The following HIRA variants were observed in gnomAD, a reference collection of about 807,000 sequenced individuals.
The protein encoded by HIRA is protein HIRA.
Under a neutral mutation model 126.6 loss-of-function variants are expected in HIRA, and 13 were observed. The ratio of observed to expected loss-of-function variants is 0.10; its 90% CI spans 0.07 to 0.16. The LOEUF is 0.16. Among genes scored for constraint, HIRA ranks in the 10% least tolerant of loss-of-function variants. The pLI, the probability that HIRA is intolerant of heterozygous loss-of-function variation, is 1.00. For missense variants in HIRA, 834 were observed against 1,314.4 expected (o/e 0.63, Z 5.65); for synonymous variants, 511 against 520.0 (o/e 0.98, Z 0.24).
At chr22:19,336,248 G>C (rs1182461129) in intron 24 of HIRA, among the ~76,000 whole-genome samples, 1 of 152,204 alleles carries the variant, frequency 6.6e-6, no homozygotes, top group African/African-American at 2.4e-5. Context: ...TGAACCCTAG[G>C]TGATCTCATC....
chr22:19,416,772 T>C (rs909669414), intron 1 of HIRA, among the ~76,000 whole-genome samples: 2 of 152,104 alleles, frequency 1.3e-5, no homozygotes, highest in East Asian at 1.9e-4. Flanking sequence ...AGGCAACCCA[T>C]AGAATGGGAG....
At chr22:19,396,233 G>A (rs1033017529) in intron 7 of HIRA, among the ~76,000 whole-genome samples, 1 of 152,156 alleles carries the variant, frequency 6.6e-6, no homozygotes, top group Non-Finnish European at 1.5e-5. Flanking sequence ...CTATAAATCC[G>A]GGCCAGGCGC....
chr22:19,333,058 G>A (rs891571053), intron 24 of HIRA, among the ~76,000 whole-genome samples: 5 of 152,114 alleles, frequency 3.3e-5, no homozygotes. Flanking sequence ...ATAGGTGTGT[G>A]CCACCATGTC....
At chr22:19,356,658 A>G (rs1338634545) in intron 19 of HIRA, among the ~76,000 whole-genome samples, 1 of 152,320 alleles carries the variant, frequency 6.6e-6, no homozygotes, top group East Asian at 1.9e-4. Context: ...CTGCTCCAGT[A>G]AGGAAATAAT....
chr22:19,353,906 C>A, intron 22 of HIRA, 90 bp downstream of exon 22: 1 of 1,479,470 alleles, frequency 6.8e-7, no homozygotes, highest in Non-Finnish European at 9.1e-7. Context: ...AGGTGGAGAC[C>A]AGGCCTGGGC....
intron 5 of HIRA, among the ~76,000 whole-genome samples, chr22:19,404,801 TCTGA>T (rs2089295496): frequency 6.6e-6 from 1 of 152,180 alleles, no homozygotes; most frequent in African/African-American, 2.4e-5. Flanking sequence ...AGGTGATACC[TCTGA>T]CTATCTAGGC....
intron 15 of HIRA, among the ~76,000 whole-genome samples, chr22:19,366,912 C>CCGTG (rs1175510779): frequency 4.6e-5 from 7 of 152,102 alleles, no homozygotes; most frequent in African/African-American, 1.7e-4. Flanking sequence ...CAGGCATGCA[C>CCGTG]CGTGACAACC....
intron 24 of HIRA, among the ~76,000 whole-genome samples, chr22:19,348,219 G>T (rs1381078282): frequency 3.3e-5 from 5 of 152,178 alleles, no homozygotes; most frequent in African/African-American, 9.7e-5. Flanking sequence ...TGTAGAAGAA[G>T]ATAACATCAT....
At chr22:19,410,642 G>A in intron 2 of HIRA, 74 bp downstream of exon 2, 2 of 1,081,888 alleles carry the variant, frequency 1.8e-6, no homozygotes, top group Non-Finnish European at 2.8e-6. Flanking sequence ...TCCCTCTACA[G>A]CTAAATGGAC....
At chr22:19,344,788 C>T (rs1052217700) in intron 24 of HIRA, among the ~76,000 whole-genome samples, 6 of 152,066 alleles carry the variant, frequency 3.9e-5, no homozygotes, top group Admixed American at 2.6e-4. Context: ...ACACCATGAC[C>T]AAGTGGGATT....
chr22:19,394,125 G>A (rs2089204467), intron 8 of HIRA, among the ~76,000 whole-genome samples: 1 of 152,228 alleles, frequency 6.6e-6, no homozygotes, highest in African/African-American at 2.4e-5. Flanking sequence ...AAGCATACCT[G>A]AGTGTGTAAA....
intron 1 of HIRA, among the ~76,000 whole-genome samples, chr22:19,425,434 G>A (rs2089481438): frequency 6.6e-6 from 1 of 152,082 alleles, no homozygotes. Flanking sequence ...GAAAGGGAGG[G>A]GTCAAGCCAG....
chr22:19,412,798 A>G (rs1053084030), intron 1 of HIRA, among the ~76,000 whole-genome samples: 1 of 152,144 alleles, frequency 6.6e-6, no homozygotes, highest in Non-Finnish European at 1.5e-5. Context: ...CACAGCATCA[A>G]CTGCATGTTT....
At chr22:19,384,337 A>AAAG in intron 12 of HIRA, among the ~76,000 whole-genome samples, 1 of 151,640 alleles carries the variant, frequency 6.6e-6, no homozygotes, top group East Asian at 1.9e-4. Flanking sequence ...AAAAAAAAAA[A>AAAG]AAAAAAGAGA....
chr22:19,345,283 G>A (rs1556008570), intron 24 of HIRA, among the ~76,000 whole-genome samples: 1 of 152,258 alleles, frequency 6.6e-6, no homozygotes, highest in Non-Finnish European at 1.5e-5. Context: ...CATTCTGCCT[G>A]CCTGTGGTAC....
At chr22:19,388,156 G>A (rs1410380933) in intron 10 of HIRA, among the ~76,000 whole-genome samples, 4 of 152,200 alleles carry the variant, frequency 2.6e-5, no homozygotes, top group African/African-American at 9.6e-5. Context: ...AGGTCACTGA[G>A]AAGCAGAAAG....
chr22:19,393,168 G>A (rs1479986770), intron 8 of HIRA, among the ~76,000 whole-genome samples: 2 of 152,108 alleles, frequency 1.3e-5, no homozygotes, highest in Non-Finnish European at 2.9e-5. Flanking sequence ...CTAATAAAGT[G>A]GTTGTGAGGA....
chr22:19,377,853 C>A lies in HIRA; in HGVS notation c.1613+16G>T. ...ACTTTCCCCAGGGACAGGAACAAGC[C>A]TTGGCACCCACTAACCTGTCTTTAT... On this transcript the variant is annotated intron_variant, in intron 14 of 24. Coordinates refer to ENST00000263208, the MANE Select transcript of HIRA (RefSeq NM_003325.4). 6.3e-7 allele frequency: 1 copy of A among 1,589,192 alleles called. No homozygotes were observed. Among genetic ancestry groups the A allele is most frequent in the East Asian group, 2.3e-5 (1 of 44,226 alleles).
intron 17 of HIRA, among the ~76,000 whole-genome samples, chr22:19,360,063 G>C (rs2088849673): frequency 6.6e-6 from 1 of 152,190 alleles, no homozygotes; most frequent in African/African-American, 2.4e-5. Flanking sequence ...ACCTAATTCA[G>C]TGTCTGGCAC....
Sources: allele counts gnomAD v4.1 joint callset (sites outside exome capture counted in the v4.1 genomes callset), GRCh38; gene constraint gnomAD v4.1.1; transcripts MANE v1.5; gene names NCBI Gene and HGNC (gene_info 2026-07-23, HGNC 2026-07-21).